Variants in BANP observed in about 807,000 individuals in gnomAD.
BANP encodes the protein protein BANP.
A neutral mutation model predicts 68.1 loss-of-function variants in BANP; 11 were observed. The observed-to-expected ratio is 0.16, with a 90% CI of 0.10 to 0.27. The LOEUF (loss-of-function observed/expected upper bound fraction) is 0.27. Among genes scored for constraint, BANP ranks in the 10% least tolerant of loss-of-function variants. BANP has a pLI of 1.00. For missense variants in BANP, 504 were observed against 722.7 expected, an observed-to-expected ratio of 0.70 and a Z score of 3.47; for synonymous variants, 329 against 303.2, an observed-to-expected ratio of 1.09 and a Z score of -0.88.
intron 12 of BANP, 110 bp downstream of exon 12, chr16:88,065,442 T>C (rs570022490): frequency 2.4e-5 from 15 of 636,352 alleles, no homozygotes; most frequent in Non-Finnish European, 3.1e-5. Context: ...CAGGGTCATC[T>C]CACCACGTGA....
At chr16:88,017,906 C>T (rs1457130343) in intron 6 of BANP, among the ~76,000 whole-genome samples, 4 of 152,208 alleles carry the variant, frequency 2.6e-5, no homozygotes, top group Non-Finnish European at 5.9e-5. Context: ...GTGACTTACA[C>T]TGTGCAGAGG....
chr16:87,987,898 T>C (rs892883548), intron 4 of BANP, among the ~76,000 whole-genome samples: 9 of 151,960 alleles, frequency 5.9e-5, no homozygotes, highest in African/African-American at 2.2e-4. Flanking sequence ...CCCGAGTGGC[T>C]GGAACTGTAG....
At chr16:87,982,387 A>G (rs1331673835) in intron 3 of BANP, among the ~76,000 whole-genome samples, 2 of 152,214 alleles carry the variant, frequency 1.3e-5, no homozygotes, top group Non-Finnish European at 2.9e-5. Context: ...TGTAATTCAG[A>G]ATTAAAATAA....
intron 1 of BANP, among the ~76,000 whole-genome samples, chr16:87,959,147 G>C (rs2058644887): frequency 6.6e-6 from 1 of 152,232 alleles, no homozygotes; most frequent in Admixed American, 6.5e-5. Flanking sequence ...AAGTGTTTCT[G>C]GCCTTGTGGG....
intron 11 of BANP, among the ~76,000 whole-genome samples, chr16:88,051,284 T>A (rs1185624449): frequency 1.3e-5 from 2 of 152,204 alleles, no homozygotes; most frequent in African/African-American, 4.8e-5. Flanking sequence ...GCCAGAATCT[T>A]GAATGTGAAA....
intron 11 of BANP, among the ~76,000 whole-genome samples, chr16:88,040,363 G>A (rs1369335960): frequency 1.3e-5 from 2 of 152,066 alleles, no homozygotes; most frequent in Non-Finnish European, 2.9e-5. Context: ...GGAGACAGAA[G>A]GATGTTTCAG....
chr16:88,037,769 C>T (rs1375066938), intron 10 of BANP: 41 of 600,876 alleles, frequency 6.8e-5, no homozygotes, highest in South Asian at 5.1e-4. Flanking sequence ...GTTGTTTGTT[C>T]ATCTTTAAAA....
At chr16:88,063,495 G>C (rs2087512806) in intron 11 of BANP, among the ~76,000 whole-genome samples, 1 of 152,234 alleles carries the variant, frequency 6.6e-6, no homozygotes, top group Admixed American at 6.5e-5. Flanking sequence ...TCCCCTCCCA[G>C]CCTGGACTCT....
intron 11 of BANP, among the ~76,000 whole-genome samples, chr16:88,042,599 C>A (rs2081092663): frequency 6.6e-6 from 1 of 152,242 alleles, no homozygotes; most frequent in African/African-American, 2.4e-5. Context: ...TTCCTTAGAA[C>A]ACTGACATTG....
chr16:88,065,431 C>A (rs960941441), intron 12 of BANP, 99 bp downstream of exon 12: 1 of 642,234 alleles, frequency 1.6e-6, no homozygotes, highest in East Asian at 2.7e-5. Flanking sequence ...ACCTGGCCAT[C>A]CAGGGTCATC....
chr16:87,987,213 G>A (rs1008390893), intron 4 of BANP, among the ~76,000 whole-genome samples: 1 of 151,952 alleles, frequency 6.6e-6, no homozygotes, highest in African/African-American at 2.4e-5. Flanking sequence ...CAAGTAGCTG[G>A]GATTACAGGC....
chr16:87,981,398 C>T (rs2063247082), intron 3 of BANP, among the ~76,000 whole-genome samples: 1 of 152,216 alleles, frequency 6.6e-6, no homozygotes, highest in African/African-American at 2.4e-5. Context: ...TTGCGGCCGC[C>T]TCTGTGTGTC....
intron 12 of BANP, among the ~76,000 whole-genome samples, chr16:88,067,822 C>T (rs1349212632): frequency 6.6e-6 from 1 of 152,226 alleles, no homozygotes; most frequent in African/African-American, 2.4e-5. Flanking sequence ...AATCTCCCCA[C>T]TCCATTGTTC....
intron 11 of BANP, among the ~76,000 whole-genome samples, chr16:88,062,945 G>T (rs967772666): frequency 2.0e-5 from 3 of 152,334 alleles, no homozygotes; most frequent in African/African-American, 4.8e-5. Flanking sequence ...GCAGCGCTCT[G>T]TAGGGACCCT....
chr16:88,001,681 T>G (rs1170239832), intron 4 of BANP, among the ~76,000 whole-genome samples: 1 of 152,220 alleles, frequency 6.6e-6, no homozygotes, highest in Non-Finnish European at 1.5e-5. Context: ...TTTATTTTTT[T>G]AATTTTTCCA....
intron 11 of BANP, among the ~76,000 whole-genome samples, chr16:88,061,329 G>A (rs2086718664): frequency 6.6e-6 from 1 of 152,204 alleles, no homozygotes; most frequent in Non-Finnish European, 1.5e-5. Context: ...AAGGACGATT[G>A]TCTAAAACGT....
intron 4 of BANP, among the ~76,000 whole-genome samples, chr16:87,999,594 G>A (rs1373363874): frequency 5.7e-5 from 2 of 34,806 alleles, no homozygotes; most frequent in Non-Finnish European, 1.1e-4. Flanking sequence ...CCTTCCAGAC[G>A]CGTCTCCATA....
intron 7 of BANP, among the ~76,000 whole-genome samples, chr16:88,025,906 G>A (rs2076895836): frequency 1.3e-5 from 2 of 152,188 alleles, no homozygotes; most frequent in African/African-American, 4.8e-5. Flanking sequence ...AATTAGTGAA[G>A]TTGCATGAGC....
chr16:88,005,863 A>G (rs2070909629), intron 5 of BANP, among the ~76,000 whole-genome samples: 1 of 152,168 alleles, frequency 6.6e-6, no homozygotes, highest in African/African-American at 2.4e-5. Flanking sequence ...TTGTGATACA[A>G]ACATTTTCTT....
Sources: gnomAD v4.1 joint callset for allele counts (sites outside exome capture counted in the v4.1 genomes callset) on GRCh38, gnomAD v4.1.1 for gene constraint, MANE v1.5 for transcripts, NCBI Gene and HGNC (gene_info 2026-07-23, HGNC 2026-07-21) for gene names.